Variants in SOX5 observed in about 807,000 individuals in gnomAD.
The protein encoded by SOX5 is SRY-box transcription factor 5, also known as transcription factor SOX-5.
A neutral mutation model predicts 92.0 loss-of-function variants in SOX5; 9 were observed. The observed-to-expected ratio is 0.10, with a 90% CI of 0.06 to 0.17. SOX5 has a LOEUF of 0.17. SOX5 is among the 10% of genes least tolerant of loss of function. The pLI is 1.00. For synonymous variants in SOX5, 344 were observed against 336.3 expected (o/e 1.02, Z -0.25); for missense variants, 642 against 944.5 (o/e 0.68, Z 4.20).
chr12:24,296,184 G>C (rs1300847222), intron 2 of SOX5, among the ~76,000 whole-genome samples: 2 of 152,226 alleles, frequency 1.3e-5, no homozygotes, highest in Non-Finnish European at 2.9e-5. Context: ...TGCATTAGCA[G>C]AAGTATCTCT....
intron 2 of SOX5, among the ~76,000 whole-genome samples, chr12:23,884,104 G>A (rs1337070950): frequency 6.6e-6 from 1 of 152,088 alleles, no homozygotes; most frequent in Non-Finnish European, 1.5e-5. Flanking sequence ...TTGAACAACT[G>A]ACAATTACTG....
chr12:24,259,116 G>C (rs1438653185), intron 3 of SOX5, among the ~76,000 whole-genome samples: 1 of 152,156 alleles, frequency 6.6e-6, no homozygotes, highest in African/African-American at 2.4e-5. Flanking sequence ...AGTAATGCTT[G>C]TCATAAAAGT....
At chr12:23,817,631 C>G (rs550524297) in intron 3 of SOX5, among the ~76,000 whole-genome samples, 4 of 152,254 alleles carry the variant, frequency 2.6e-5, no homozygotes, top group Admixed American at 1.3e-4. Flanking sequence ...GTCATAATAA[C>G]CATATGACCT....
intron 4 of SOX5, among the ~76,000 whole-genome samples, chr12:24,063,746 G>A (rs138949403): frequency 1.3e-5 from 2 of 152,160 alleles, no homozygotes; most frequent in South Asian, 2.1e-4. Flanking sequence ...TAAGGCACAC[G>A]AATATAATGA....
chr12:24,307,885 T>A (rs932444194), intron 2 of SOX5, among the ~76,000 whole-genome samples: 3 of 152,090 alleles, frequency 2.0e-5, no homozygotes, highest in Non-Finnish European at 4.4e-5. Flanking sequence ...TAGTCAGGCA[T>A]GAACAGGGCA....
intron 4 of SOX5, among the ~76,000 whole-genome samples, chr12:24,068,680 ATGTG>A (rs367765179): frequency 0.041 from 2,585 of 63,170 alleles, 170 homozygotes; most frequent in African/African-American, 0.12. Flanking sequence ...TCAAAGTCGT[ATGTG>A]TGTGTGTGTG....
chr12:23,577,408 C>T (rs1451557795), intron 9 of SOX5, among the ~76,000 whole-genome samples: 2 of 151,586 alleles, frequency 1.3e-5, no homozygotes, highest in Non-Finnish European at 2.9e-5. Flanking sequence ...CCATGTTGGC[C>T]AGCTAGTCTT....
chr12:23,816,376 A>AT (rs932756352), intron 3 of SOX5, among the ~76,000 whole-genome samples: 6 of 151,748 alleles, frequency 4.0e-5, no homozygotes, highest in East Asian at 1.9e-4. Context: ...TGCCCGGCTA[A>AT]TTTTTTTGTA....
At chr12:23,546,003 G>T (rs937336326) in intron 12 of SOX5, among the ~76,000 whole-genome samples, 4 of 152,110 alleles carry the variant, frequency 2.6e-5, no homozygotes, top group African/African-American at 9.7e-5. Flanking sequence ...TTAGAATCAT[G>T]CCATCTCGAA....
intron 1 of SOX5, among the ~76,000 whole-genome samples, chr12:24,539,530 T>C (rs1002024497): frequency 1.3e-5 from 2 of 152,118 alleles, no homozygotes; most frequent in Non-Finnish European, 2.9e-5. Flanking sequence ...TCTTAAAATA[T>C]AGACATTTGA....
intron 1 of SOX5, among the ~76,000 whole-genome samples, chr12:24,451,568 A>G (rs1942310055): frequency 6.6e-6 from 1 of 152,200 alleles, no homozygotes; most frequent in Non-Finnish European, 1.5e-5. Context: ...ACCTTTTCAT[A>G]TAATCATCTT....
Position 24,244,051 on chromosome 12 carries a change from A to T in SOX5, c.-76-30634T>A, listed in dbSNP as rs1315238258. On this transcript the variant is annotated intron_variant, in intron 3 of 4. Coordinates refer to the SOX5 transcript ENST00000446891. ...ATTTTGAATGTAGGCATATTGATAA[A>T]AAAAAAAAAAAAAAAGAAAAGGTTG... 7.0e-3 allele frequency among the ~76,000 whole-genome samples: 148 copies of T among 21,192 alleles called. 1 individual carries two copies. Among genetic ancestry groups the T allele is most frequent in the African/African-American group, 0.068 (139 of 2,054 alleles). The allele number at this position is 21,192 out of a possible 152,430, so 13.9% of individuals were successfully genotyped here.
rs1227898168 is a variant in SOX5, at chr12:24,114,700, G to A, written c.-2+98643C>T. The stretch of plus-strand genomic sequence containing the variant: ...CGCCTGTGATCCCAGAACTTTGGCA[G>A]GCCACGGTGGGAGAATCAAGGGTCT... On this transcript the variant is annotated intron_variant, in intron 4 of 4. Transcript: ENST00000446891. 2.6e-5 allele frequency among the ~76,000 whole-genome samples: 4 copies of A among 151,884 alleles called. No homozygotes were observed. The South Asian group carries it at 6.2e-4, about 24-fold the overall frequency.
intron 4 of SOX5, among the ~76,000 whole-genome samples, chr12:24,207,206 A>G (rs941470144): frequency 6.6e-6 from 1 of 152,228 alleles, no homozygotes; most frequent in African/African-American, 2.4e-5. Context: ...CTGTTATTGT[A>G]AAAGTAAAGG....
chr12:23,655,361 GC>G (rs2082180117), intron 7 of SOX5, among the ~76,000 whole-genome samples: 1 of 151,978 alleles, frequency 6.6e-6, no homozygotes. Flanking sequence ...TTATGGAACT[GC>G]TTCTATATCC....
intron 1 of SOX5, among the ~76,000 whole-genome samples, chr12:24,406,841 CAGA>C (rs1259986529): frequency 5.9e-5 from 9 of 152,060 alleles, no homozygotes; most frequent in Non-Finnish European, 1.3e-4. Flanking sequence ...TTCAAAGAAA[CAGA>C]AGGAGATGAA....
At chr12:24,120,407 T>A (rs1382662304) in intron 4 of SOX5, among the ~76,000 whole-genome samples, 1 of 152,244 alleles carries the variant, frequency 6.6e-6, no homozygotes, top group Non-Finnish European at 1.5e-5. Flanking sequence ...TTAGCCACTT[T>A]ACACTGGCCA....
chr12:24,469,768 G>A (rs1207968951), intron 1 of SOX5, among the ~76,000 whole-genome samples: 1 of 152,130 alleles, frequency 6.6e-6, no homozygotes, highest in Admixed American at 6.5e-5. Flanking sequence ...GGTATCCACA[G>A]GGGAGGATGA....
Position 23,809,176 on chromosome 12 carries a change from C to A in SOX5, c.481+36807G>T, listed in dbSNP as rs139085339. Among the ~76,000 whole-genome samples the A allele has an allele frequency of 8.4e-3, 1,273 of 152,082 alleles. 9 individuals are homozygous for A. Among genetic ancestry groups the A allele is most frequent in the Middle Eastern group, 0.027 (8 of 294 alleles). Reference sequence around the variant, plus strand: ...ACGTGTTTATATATTTATATATGCACAGAACATCTCTGGAGATATCCAGAA... The same window carrying A: ...ACGTGTTTATATATTTATATATGCAAAGAACATCTCTGGAGATATCCAGAA... On this transcript the variant is annotated intron_variant, in intron 3 of 14. Coordinates refer to ENST00000451604, the MANE Select transcript of SOX5 (RefSeq NM_006940.6).
Sources: gnomAD v4.1 joint callset for allele counts (sites outside exome capture counted in the v4.1 genomes callset) on GRCh38, gnomAD v4.1.1 for gene constraint, MANE v1.5 for transcripts, NCBI Gene and HGNC (gene_info 2026-07-23, HGNC 2026-07-21) for gene names.